STK3: variants seen among roughly 807,000 people sequenced by gnomAD.
STK3 encodes serine/threonine-protein kinase 3.
STK3 carries 41 observed loss-of-function variants against 58.0 expected under a neutral mutation model. The observed-to-expected ratio is 0.71, with a 90% confidence interval of 0.55 to 0.92. The LOEUF (loss-of-function observed/expected upper bound fraction) is 0.92. Among genes scored for constraint, STK3 ranks in the 40% least tolerant of loss-of-function variants. The pLI is 0.00. For missense variants in STK3, 479 were observed against 602.7 expected, an observed-to-expected ratio of 0.79 and a Z score of 2.15; for synonymous variants, 170 against 191.0, an observed-to-expected ratio of 0.89 and a Z score of 0.91.
intron 9 of STK3, among the ~76,000 whole-genome samples, chr8:98,544,649 AACACACACACACACACACACACACAC>A (rs59159370): frequency 4.4e-5 from 6 of 137,520 alleles, no homozygotes; most frequent in Admixed American, 1.5e-4. Context: ...ATTCTACTAT[AACACACACACACACACACACACACAC>A]ACACACACAC....
chr8:98,503,597 T>G (rs1823802771), intron 10 of STK3, among the ~76,000 whole-genome samples: 1 of 152,228 alleles, frequency 6.6e-6, no homozygotes, highest in African/African-American at 2.4e-5. Context: ...ATCTGGTACG[T>G]TGTGTCTTTG....
At chr8:98,941,255 C>T (rs1052097106) in intron 1 of STK3, among the ~76,000 whole-genome samples, 8 of 152,264 alleles carry the variant, frequency 5.3e-5, no homozygotes, top group Admixed American at 5.2e-4. Context: ...TTGCCCTTGT[C>T]TCCGCACCCT....
intron 3 of STK3, among the ~76,000 whole-genome samples, chr8:98,759,360 C>A (rs1040692764): frequency 2.0e-5 from 3 of 152,016 alleles, no homozygotes; most frequent in African/African-American, 7.2e-5. Flanking sequence ...AGATGGGGCC[C>A]ACGGCCTAGC....
intron 1 of STK3, among the ~76,000 whole-genome samples, chr8:98,807,018 G>A (rs1833923481): frequency 1.3e-5 from 2 of 151,928 alleles, no homozygotes; most frequent in East Asian, 3.9e-4. Flanking sequence ...GCCAGGCGTG[G>A]TGGCGGGCAC....
intron 1 of STK3, among the ~76,000 whole-genome samples, chr8:98,440,454 AC>A (rs1357094300): frequency 6.6e-6 from 1 of 152,124 alleles, no homozygotes; most frequent in Admixed American, 6.5e-5. Flanking sequence ...CAATTCCAGA[AC>A]CCTTTTCATC....
chr8:98,405,481 A>G (rs975302288), intron 3 of STK3, among the ~76,000 whole-genome samples: 2 of 152,202 alleles, frequency 1.3e-5, no homozygotes, highest in African/African-American at 2.4e-5. Context: ...AGTTGTAAAT[A>G]TCATAAGCAT....
chr8:98,785,965 C>T (rs532765299), intron 1 of STK3, among the ~76,000 whole-genome samples: 1 of 152,128 alleles, frequency 6.6e-6, no homozygotes, highest in African/African-American at 2.4e-5. Context: ...ATGAAAAAAT[C>T]TGAATGTAGT....
chr8:98,755,117 T>C (rs551227701), intron 3 of STK3, among the ~76,000 whole-genome samples: 2 of 152,334 alleles, frequency 1.3e-5, no homozygotes, highest in South Asian at 2.1e-4. Context: ...CGTAAGTAGA[T>C]GGATCCAAGT....
chr8:98,515,125 A>G (rs1057504671), intron 10 of STK3, among the ~76,000 whole-genome samples: 1 of 152,004 alleles, frequency 6.6e-6, no homozygotes, highest in Non-Finnish European at 1.5e-5. Flanking sequence ...AACAATTTCA[A>G]CAGTCTTTAA....
At chr8:98,788,164 G>A (rs760070861) in intron 1 of STK3, among the ~76,000 whole-genome samples, 9 of 152,048 alleles carry the variant, frequency 5.9e-5, no homozygotes, top group East Asian at 1.9e-4. Flanking sequence ...AGAACTGGCC[G>A]GGCATGGTGG....
At chr8:98,634,377 G>A (rs1212378850) in intron 6 of STK3, among the ~76,000 whole-genome samples, 5 of 152,114 alleles carry the variant, frequency 3.3e-5, no homozygotes, top group Admixed American at 3.3e-4. Flanking sequence ...GTGCATGCCT[G>A]TAGTCCCAGC....
intron 6 of STK3, among the ~76,000 whole-genome samples, chr8:98,649,131 C>T (rs1305569622): frequency 6.6e-6 from 1 of 150,854 alleles, no homozygotes; most frequent in Non-Finnish European, 1.5e-5. Context: ...TCCTATGTGT[C>T]ATTAGTCTAT....
chr8:98,554,290 G>T (rs149465375), intron 8 of STK3, among the ~76,000 whole-genome samples: 1 of 151,898 alleles, frequency 6.6e-6, no homozygotes, highest in Admixed American at 6.6e-5. Flanking sequence ...ATTTTGTCAC[G>T]GTTGCAACCA....
intron 6 of STK3, chr8:98,597,961 A>G (rs755383959): frequency 2.7e-4 from 265 of 985,238 alleles, no homozygotes; most frequent in Middle Eastern, 5.2e-4. Context: ...AAAAATGAGT[A>G]AAATGGGGTT....
At chr8:98,516,216 G>T (rs969426927) in intron 10 of STK3, among the ~76,000 whole-genome samples, 4 of 151,860 alleles carry the variant, frequency 2.6e-5, no homozygotes, top group Non-Finnish European at 5.9e-5. Flanking sequence ...GTTTAAATAT[G>T]GCGTCAAGAG....
At chr8:98,600,938 C>T (rs927124882) in intron 6 of STK3, among the ~76,000 whole-genome samples, 4 of 152,082 alleles carry the variant, frequency 2.6e-5, no homozygotes, top group African/African-American at 9.7e-5. Flanking sequence ...GGTATAGAAT[C>T]TTAAAAATTT....
intron 6 of STK3, among the ~76,000 whole-genome samples, chr8:98,638,798 T>C (rs186067873): frequency 5.3e-5 from 8 of 152,276 alleles, no homozygotes; most frequent in Admixed American, 2.0e-4. Context: ...GAGTTAAACA[T>C]AGAGCACAGA....
chr8:98,427,872 G>A, intron 3 of STK3: 2 of 894,782 alleles, frequency 2.2e-6, no homozygotes, highest in South Asian at 3.5e-5. Context: ...GCCAGTAATG[G>A]GTAGGGAGAG....
At chr8:98,516,969 C>G (rs1824974389) in intron 10 of STK3, among the ~76,000 whole-genome samples, 1 of 152,058 alleles carries the variant, frequency 6.6e-6, no homozygotes, top group East Asian at 1.9e-4. Context: ...TACTCTAACC[C>G]AGGTTACTGA....
Sources: gnomAD v4.1 joint callset for allele counts (sites outside exome capture counted in the v4.1 genomes callset) on GRCh38, gnomAD v4.1.1 for gene constraint, MANE v1.5 for transcripts, NCBI Gene and HGNC (gene_info 2026-07-23, HGNC 2026-07-21) for gene names.